PHF7: variants seen among roughly 807,000 people sequenced by gnomAD.
PHF7 encodes E3 ubiquitin-protein ligase PHF7.
In PHF7, 24 loss-of-function variants were observed where a neutral mutation model predicts 47.5. The observed-to-expected ratio is 0.51, with a 90% confidence interval of 0.37 to 0.71. PHF7 has a LOEUF of 0.71. Among genes scored for constraint, PHF7 ranks in the 30% least tolerant of loss-of-function variants. The pLI, the probability that PHF7 is intolerant of heterozygous loss-of-function variation, is 0.00. For missense variants in PHF7, 361 were observed against 456.8 expected, an observed-to-expected ratio of 0.79 and a Z score of 1.91; for synonymous variants, 156 against 153.8, an observed-to-expected ratio of 1.01 and a Z score of -0.11.
chr3:52,420,067 A>G lies in PHF7; in HGVS notation c.288+133A>G. 4.2e-6 allele frequency: 3 copies of G among 722,740 alleles called. No homozygotes were observed. In the African/African-American group the frequency reaches 5.3e-5, roughly 13 times the overall value. The allele number at this position is 722,740 out of a possible 1,614,324, so 44.8% of individuals were successfully genotyped here. A position where few individuals can be genotyped will look rare whatever the true frequency, so the allele number is the denominator to read the frequency against. ...CTCTTGGATTTTCCAACTAGTCCTT[A>G]AGTCCCATATTCCTCTGGGGTATGG... is the stretch of plus-strand genomic sequence containing the variant. On this transcript the variant is annotated intron_variant, in intron 5 of 10. Coordinates refer to ENST00000327906, the MANE Select transcript of PHF7 (RefSeq NM_016483.7).
chr3:52,411,942 C>G (rs760192907), intron 1 of PHF7, among the ~76,000 whole-genome samples: 2 of 152,124 alleles, frequency 1.3e-5, no homozygotes, highest in East Asian at 3.9e-4. Flanking sequence ...GAGGTCAGGC[C>G]TGGTGGCTCA....
intron 4 of PHF7, among the ~76,000 whole-genome samples, chr3:52,416,726 G>A (rs1369833707): frequency 1.3e-5 from 2 of 151,154 alleles, no homozygotes; most frequent in Non-Finnish European, 3.0e-5. Flanking sequence ...CCAGCTACTC[G>A]GGAGGCTGAG....
chr3:52,423,394 T>G lies in PHF7; in HGVS notation c.*77T>G. 1 of 880,056 alleles carries G rather than the reference T, an allele frequency of 1.1e-6. No individual in the cohort carries two copies. Among genetic ancestry groups the G allele is most frequent in the Non-Finnish European group, 1.8e-6 (1 of 554,748 alleles). 54.5% of individuals were successfully genotyped at this position (880,056 alleles called of 1,614,324 possible). A position where few individuals can be genotyped will look rare whatever the true frequency, so the allele number is the denominator to read the frequency against. On this transcript the variant is annotated 3_prime_UTR_variant, in exon 11 of 11. Coordinates refer to ENST00000327906, the MANE Select transcript of PHF7 (RefSeq NM_016483.7). Reference sequence around the variant, plus strand: ...TCCATCGGGTTTGGGGAGGGAGCACTCTGGGACTGTGAGACAAGGAAGCAG... The same window carrying G: ...TCCATCGGGTTTGGGGAGGGAGCACGCTGGGACTGTGAGACAAGGAAGCAG...
intron 4 of PHF7, among the ~76,000 whole-genome samples, chr3:52,418,632 A>C (rs544807038): frequency 6.6e-6 from 1 of 152,206 alleles, no homozygotes; most frequent in Non-Finnish European, 1.5e-5. Context: ...TTTTCTCTGT[A>C]CTAAGAGGTG....
intron 4 of PHF7, among the ~76,000 whole-genome samples, chr3:52,415,056 A>G (rs1705581453): frequency 1.3e-5 from 2 of 152,144 alleles, no homozygotes; most frequent in South Asian, 4.1e-4. Flanking sequence ...AAGTTCAGTA[A>G]AAAAGTCTCT....
intron 7 of PHF7, 43 bp from the exon 8 acceptor site, chr3:52,421,605 A>G (rs1280531078): frequency 5.4e-6 from 6 of 1,116,050 alleles, no homozygotes; most frequent in Admixed American, 1.7e-5. Context: ...AGGTAGTCAA[A>G]GGGTTTTTAC....
intron 4 of PHF7, among the ~76,000 whole-genome samples, chr3:52,416,140 T>G (rs1422558911): frequency 6.6e-6 from 1 of 152,150 alleles, no homozygotes; most frequent in Non-Finnish European, 1.5e-5. Context: ...GACTAAAGCT[T>G]CTTTTCATGT....
chr3:52,419,698 C>T lies in PHF7; in HGVS notation c.187-135C>T, dbSNP rs866176010. ...CGCCCGCCTCGGCCTCCCAAAGTGC[C>T]GGGATTACAGGCATGAGCCACCACA... On this transcript the variant is annotated intron_variant, in intron 4 of 10. Coordinates refer to ENST00000327906, the MANE Select transcript of PHF7 (RefSeq NM_016483.7). 28 of 690,934 alleles carry T rather than the reference C, an allele frequency of 4.1e-5. No homozygotes were observed. In the Middle Eastern group the frequency reaches 1.1e-3, roughly 28 times the overall value. 42.8% of individuals were successfully genotyped at this position (690,934 alleles called of 1,614,324 possible).
At chr3:52,421,170 C>A in intron 7 of PHF7, 108 bp downstream of exon 7, 1 of 986,528 alleles carries the variant, frequency 1.0e-6, no homozygotes, top group Non-Finnish European at 1.5e-6. Flanking sequence ...GTGCTCCATG[C>A]TGGAGGCCTG....
chr3:52,422,000 T>C (rs987146015), intron 8 of PHF7: 1 of 595,816 alleles, frequency 1.7e-6, no homozygotes, highest in Non-Finnish European at 3.0e-6. Context: ...GGTTGAGTTA[T>C]TGGATTCCAG....
chr3:52,422,030 C>T (rs909178334), intron 8 of PHF7, 192 bp from the exon 9 acceptor site: 1 of 619,672 alleles, frequency 1.6e-6, no homozygotes, highest in East Asian at 2.7e-5. Context: ...AAGGAACCTG[C>T]ATGCATGTTC....
At chr3:52,411,945 G>C (rs1437642492) in intron 1 of PHF7, among the ~76,000 whole-genome samples, 1 of 152,228 alleles carries the variant, frequency 6.6e-6, no homozygotes, top group Non-Finnish European at 1.5e-5. Context: ...GTCAGGCCTG[G>C]TGGCTCACGC....
chr3:52,419,743 T>C, intron 4 of PHF7, 90 bp from the exon 5 acceptor site: 1 of 804,874 alleles, frequency 1.2e-6, no homozygotes, highest in South Asian at 1.5e-5. Flanking sequence ...AGCTCTATTC[T>C]TTAGCTCTCT....
chr3:52,412,336 G>A (rs1259181992), intron 1 of PHF7, among the ~76,000 whole-genome samples: 1 of 152,170 alleles, frequency 6.6e-6, no homozygotes, highest in East Asian at 1.9e-4. Flanking sequence ...ACCTTATCTA[G>A]CTTTCACTGG....
At chr3:52,421,536 T>G in intron 7 of PHF7, 112 bp from the exon 8 acceptor site, 1 of 717,210 alleles carries the variant, frequency 1.4e-6, no homozygotes, top group Non-Finnish European at 2.5e-6. Flanking sequence ...CCTTTTCCTG[T>G]ACCCTCAAAC....
intron 2 of PHF7, among the ~76,000 whole-genome samples, 168 bp downstream of exon 2, chr3:52,413,088 T>G (rs189056843): frequency 3.7e-4 from 56 of 152,328 alleles, no homozygotes; most frequent in African/African-American, 1.3e-3. Flanking sequence ...CTGTCCCTAG[T>G]AGCAAAGTGC....
At chr3:52,414,788 C>T (rs115986145) in intron 4 of PHF7, 4,908 of 238,690 alleles carry the variant, frequency 0.021, 73 homozygotes, top group Non-Finnish European at 0.028. Context: ...GCAGGAGGAT[C>T]TCTTGAACCC....
At chr3:52,412,742 T>G in intron 1 of PHF7, 69 bp from the exon 2 acceptor site, 1 of 707,210 alleles carries the variant, frequency 1.4e-6, no homozygotes, top group Non-Finnish European at 2.5e-6. Context: ...CACCATTGCC[T>G]TGACCCTGGG....
intron 2 of PHF7, 91 bp downstream of exon 2, chr3:52,413,011 G>A (rs1467640319): frequency 2.6e-5 from 25 of 975,644 alleles, no homozygotes; most frequent in Middle Eastern, 2.0e-4. Flanking sequence ...CGTAGTCTTG[G>A]GGGTTGAGGT....
Sources: gnomAD v4.1 joint callset for allele counts (sites outside exome capture counted in the v4.1 genomes callset) on GRCh38, gnomAD v4.1.1 for gene constraint, MANE v1.5 for transcripts, NCBI Gene and HGNC (gene_info 2026-07-23, HGNC 2026-07-21) for gene names.